The following AMMECR1 variants were observed in gnomAD, a reference collection of about 807,000 sequenced individuals.
AMMECR1 encodes nuclear protein AMMECR1.
A neutral mutation model predicts 22.5 loss-of-function variants in AMMECR1; 3 were observed. The observed-to-expected ratio is 0.13, with a 90% CI of 0.06 to 0.35. AMMECR1 has a LOEUF of 0.35. Among genes scored for constraint, AMMECR1 ranks in the 10% least tolerant of loss-of-function variants. AMMECR1 has a pLI of 1.00. For missense variants in AMMECR1, 235 were observed against 278.7 expected (o/e 0.84, Z 1.12); for synonymous variants, 130 against 116.7 (o/e 1.11, Z -0.74).
At chrX:110,346,795 A>G (rs773979325) in intron 2 of AMMECR1, 9 of 746,269 alleles carry the variant, frequency 1.2e-5, no homozygotes, top group South Asian at 6.3e-5. Context: ...TTCTGCAGAC[A>G]GAATTGTTTC....
At chrX:110,430,225 C>G (rs184056477) in intron 1 of AMMECR1, among the ~76,000 whole-genome samples, 69 of 112,810 alleles carry the variant, frequency 6.1e-4, no homozygotes, top group African/African-American at 2.1e-3. Context: ...GAATGTGGTA[C>G]TTTACCGCTT....
At chrX:110,205,553 G>A (rs1241028077) in intron 3 of AMMECR1, among the ~76,000 whole-genome samples, 1 of 111,438 alleles carries the variant, frequency 9.0e-6, no homozygotes, top group Non-Finnish European at 1.9e-5. Flanking sequence ...AACTTTCTAC[G>A]TATGGATGAG....
At chrX:110,261,675 C>T (rs2067742348) in intron 2 of AMMECR1, among the ~76,000 whole-genome samples, 1 of 111,429 alleles carries the variant, frequency 9.0e-6, no homozygotes, top group South Asian at 3.7e-4. Context: ...ATAATAATAT[C>T]TATGGATTTT....
At chrX:110,205,500 A>AACCT (rs2067417586) in intron 3 of AMMECR1, among the ~76,000 whole-genome samples, 1 of 111,922 alleles carries the variant, frequency 8.9e-6, no homozygotes, top group Admixed American at 9.5e-5. Flanking sequence ...CGAACCAGGG[A>AACCT]ACTGGGATTC....
chrX:110,429,137 G>T (rs1347776575), intron 1 of AMMECR1, among the ~76,000 whole-genome samples: 1 of 112,168 alleles, frequency 8.9e-6, no homozygotes, highest in Non-Finnish European at 1.9e-5. Flanking sequence ...GACCACAGTA[G>T]TTTCTACCAC....
At chrX:110,429,471 T>G (rs781374301) in intron 1 of AMMECR1, among the ~76,000 whole-genome samples, 68 of 77,854 alleles carry the variant, frequency 8.7e-4, no homozygotes, top group Admixed American at 1.6e-3. Context: ...TTTTTTTTTT[T>G]TTGTTTTGTT....
intron 2 of AMMECR1, among the ~76,000 whole-genome samples, chrX:110,422,158 T>C (rs142249885): frequency 1.8e-5 from 2 of 112,953 alleles, no homozygotes; most frequent in East Asian, 5.5e-4. Context: ...TGGTAGCTGT[T>C]GTCTCTTTTT....
Position 110,305,802 on chromosome X carries a change from C to G in AMMECR1, c.473+11797G>C, listed in dbSNP as rs760070925. Among the ~76,000 whole-genome samples, 98 of 110,429 alleles carry G rather than the reference C, an allele frequency of 8.9e-4. 1 individual carries two copies. The highest frequency in any genetic ancestry group is 9.2e-3 in the Middle Eastern group (2 of 218). On this transcript the variant is annotated intron_variant, in intron 1 of 5. Transcript: ENST00000262844. The stretch of plus-strand genomic sequence containing the variant: ...TCTAGAAAACACATTTCCTCAGAAA[C>G]CCCATCTCTACTGAAAATTAAAAAA...
intron 2 of AMMECR1, among the ~76,000 whole-genome samples, chrX:110,357,205 A>C (rs932866281): frequency 8.9e-6 from 1 of 112,053 alleles, no homozygotes; most frequent in Non-Finnish European, 1.9e-5. Flanking sequence ...AGATAAATAC[A>C]TGGGAAAATC....
chrX:110,286,545 G>A (rs945082790), intron 1 of AMMECR1, among the ~76,000 whole-genome samples: 1 of 107,753 alleles, frequency 9.3e-6, no homozygotes, highest in Non-Finnish European at 1.9e-5. Flanking sequence ...GGTGTTGTGC[G>A]CCTGTAGTCC....
At chrX:110,392,562 C>T (rs1002668046) in intron 2 of AMMECR1, among the ~76,000 whole-genome samples, 5 of 112,027 alleles carry the variant, frequency 4.5e-5, no homozygotes, top group Admixed American at 9.5e-5. Flanking sequence ...GGATTATAGG[C>T]GTGAGCCACT....
chrX:110,363,832 A>C (rs1311904257), intron 2 of AMMECR1, among the ~76,000 whole-genome samples: 2 of 111,610 alleles, frequency 1.8e-5, no homozygotes, highest in African/African-American at 6.5e-5. Flanking sequence ...CACTTTACAT[A>C]AATTATCTTA....
At chrX:110,392,723 C>A (rs1384842931) in intron 2 of AMMECR1, among the ~76,000 whole-genome samples, 1 of 112,102 alleles carries the variant, frequency 8.9e-6, no homozygotes, top group Non-Finnish European at 1.9e-5. Context: ...GGGGTTACAG[C>A]AAAGTGCTGT....
chrX:110,404,960 A>G (rs2068588684), intron 2 of AMMECR1, among the ~76,000 whole-genome samples: 1 of 111,026 alleles, frequency 9.0e-6, no homozygotes, highest in Non-Finnish European at 1.9e-5. Context: ...TGAAACGGCC[A>G]TTGTCATTTC....
At chrX:110,341,394 T>C (rs1190964545) in intron 2 of AMMECR1, among the ~76,000 whole-genome samples, 1 of 112,606 alleles carries the variant, frequency 8.9e-6, no homozygotes, top group Non-Finnish European at 1.9e-5. Flanking sequence ...AATCCCCCTT[T>C]ATACATGGTT....
chrX:110,410,091 C>T (rs2068631253), intron 2 of AMMECR1, among the ~76,000 whole-genome samples: 2 of 111,903 alleles, frequency 1.8e-5, no homozygotes, highest in Admixed American at 9.5e-5. Context: ...ACCACTCAGA[C>T]TGACTTTCTC....
intron 1 of AMMECR1, among the ~76,000 whole-genome samples, chrX:110,433,967 G>A (rs1203332728): frequency 1.8e-5 from 2 of 111,378 alleles, no homozygotes; most frequent in African/African-American, 6.5e-5. Context: ...GGGAGGGACC[G>A]AGGCACACAT....
At chrX:110,325,465 A>T (rs1221049075) in intron 2 of AMMECR1, among the ~76,000 whole-genome samples, 1 of 111,595 alleles carries the variant, frequency 9.0e-6, no homozygotes. Context: ...TACTGACTCA[A>T]TCTAGTTATT....
chrX:110,391,888 T>C (rs2068496127), intron 2 of AMMECR1, among the ~76,000 whole-genome samples: 1 of 112,243 alleles, frequency 8.9e-6, no homozygotes, highest in Non-Finnish European at 1.9e-5. Flanking sequence ...ATTTCATCCC[T>C]GATTTTGTCA....
Sources: allele counts gnomAD v4.1 joint callset (sites outside exome capture counted in the v4.1 genomes callset), GRCh38; gene constraint gnomAD v4.1.1; transcripts MANE v1.5; gene names NCBI Gene and HGNC (gene_info 2026-07-23, HGNC 2026-07-21).